Variants in EZH2 observed in about 807,000 individuals in gnomAD.
EZH2 encodes the protein enhancer of zeste 2 polycomb repressive complex 2 subunit.
EZH2 carries 18 observed loss-of-function variants against 98.4 expected under a neutral mutation model. The ratio of observed to expected loss-of-function variants is 0.18; its 90% CI spans 0.13 to 0.27. The LOEUF is 0.27. EZH2 is among the 10% of genes least tolerant of loss of function. EZH2 has a pLI of 1.00. For missense variants in EZH2, 470 were observed against 935.1 expected (o/e 0.50, Z 6.49); for synonymous variants, 338 against 312.3 (o/e 1.08, Z -0.87).
intron 3 of EZH2, among the ~76,000 whole-genome samples, chr7:148,835,046 A>G (rs1585066565): frequency 6.6e-6 from 1 of 152,360 alleles, no homozygotes; most frequent in East Asian, 1.9e-4. Flanking sequence ...GAGCTTAATT[A>G]ATTACTGCAC....
intron 1 of EZH2, among the ~76,000 whole-genome samples, chr7:148,858,088 C>T (rs921563807): frequency 6.6e-6 from 1 of 151,658 alleles, no homozygotes; most frequent in Non-Finnish European, 1.5e-5. Context: ...GTCAGGAGAT[C>T]GAGACCATTC....
chr7:148,883,787 A>G (rs1821384446), intron 1 of EZH2, among the ~76,000 whole-genome samples: 1 of 151,144 alleles, frequency 6.6e-6, no homozygotes, highest in South Asian at 2.1e-4. Flanking sequence ...CGCGCCACAC[A>G]AAGGAGACTT....
At chr7:148,851,381 C>T (rs1213651641) in intron 1 of EZH2, among the ~76,000 whole-genome samples, 1 of 152,022 alleles carries the variant, frequency 6.6e-6, no homozygotes, top group Non-Finnish European at 1.5e-5. Flanking sequence ...TAAAACCTAC[C>T]TCAAAGTCTG....
At chr7:148,874,851 C>T (rs1456344962) in intron 1 of EZH2, among the ~76,000 whole-genome samples, 1 of 150,270 alleles carries the variant, frequency 6.7e-6, no homozygotes, top group Non-Finnish European at 1.5e-5. Context: ...GAGCCGAGAT[C>T]GCGCCACCGC....
chr7:148,857,529 A>C (rs1482130143), intron 1 of EZH2, among the ~76,000 whole-genome samples: 4 of 152,158 alleles, frequency 2.6e-5, no homozygotes, highest in African/African-American at 9.7e-5. Flanking sequence ...AGGCAGGCGG[A>C]TCACGTAAGT....
chr7:148,819,865 C>G (rs892667020), intron 8 of EZH2, among the ~76,000 whole-genome samples, 178 bp from the exon 9 acceptor site: 4 of 152,154 alleles, frequency 2.6e-5, no homozygotes, highest in Non-Finnish European at 5.9e-5. Flanking sequence ...ATTCTCCATT[C>G]CTCCTCCTCC....
At chr7:148,819,156 AT>A in intron 9 of EZH2, 13 of 416,674 alleles carry the variant, frequency 3.1e-5, no homozygotes, top group Non-Finnish European at 4.7e-5. Context: ...GTTCTCCATC[AT>A]TTAAAAAAAA....
intron 1 of EZH2, among the ~76,000 whole-genome samples, chr7:148,882,866 G>A (rs1173548639): frequency 6.6e-6 from 1 of 152,150 alleles, no homozygotes; most frequent in African/African-American, 2.4e-5. Context: ...GTTTAACTGT[G>A]GACAGCACAC....
chr7:148,808,387 A>T (rs1233857343), intron 19 of EZH2, among the ~76,000 whole-genome samples: 4 of 152,256 alleles, frequency 2.6e-5, no homozygotes, highest in Non-Finnish European at 4.4e-5. Flanking sequence ...CAGTACTCAA[A>T]GACAGCTTCT....
rs2129485393 is a variant in EZH2 at position 148,847,265 on chromosome 7, G to A, written c.34C>T (p.Pro12Ser). 6.2e-7 allele frequency: 1 copy of A among 1,613,814 alleles called. No individual in the cohort carries two copies. The highest frequency in any genetic ancestry group is 2.2e-5 in the East Asian group (1 of 44,868). The change falls in exon 2 of 20, where the codon CCA (proline) becomes TCA (serine). Residue 12 changes from proline (P) to serine (S), a missense_variant. Around this residue, in one of 6 missense-constraint regions of EZH2, gnomAD observed 79 missense variants for 122.1 expected, o/e 0.65. Coordinates refer to ENST00000320356, the MANE Select transcript of EZH2 (RefSeq NM_004456.5). ...TTTACACGCTTCCGCCAACAAACTGGTCCCTTCTCAGATTTCTTCCCAGTC... is the reference window on the plus strand; with the variant it reads ...TTTACACGCTTCCGCCAACAAACTGATCCCTTCTCAGATTTCTTCCCAGTC... ...GQTGKKSEKG[P>S]VCWRKRVKSE...
chr7:148,827,543 T>G lies in EZH2; in HGVS notation c.626-277A>C, dbSNP rs78667365. Among the ~76,000 whole-genome samples, 3,301 of 152,298 alleles carry G rather than the reference T, an allele frequency of 0.022. 113 individuals carry two copies. Among genetic ancestry groups the G allele is most frequent in the African/African-American group, 0.075 (3,132 of 41,546 alleles). On this transcript the variant is annotated intron_variant, in intron 6 of 19. Coordinates refer to ENST00000320356, the MANE Select transcript of EZH2 (RefSeq NM_004456.5). ...TCTGCTACTAACTGATTTTGTGACT[T>G]AGAGTGATCACTTTACCTCTTGGGT...
chr7:148,849,604 TTAA>T lies in EZH2; in HGVS notation c.-7-2302_-7-2300del, dbSNP rs1815149435. Among the ~76,000 whole-genome samples, 5 of 152,292 alleles carry T rather than the reference TTAA, an allele frequency of 3.3e-5. No individual in the cohort carries two copies. In the South Asian group the frequency reaches 8.3e-4, roughly 25 times the overall value. ...GGAATAAAGCTGACAGTCACTCGGA[TTAA>T]GCAGGCTAAACTCAAGATGACCCCA... is the stretch of plus-strand genomic sequence containing the variant. On this transcript the variant is annotated intron_variant, in intron 1 of 19. Transcript: ENST00000320356.
chr7:148,843,890 C>T (rs1208606758), intron 3 of EZH2, among the ~76,000 whole-genome samples: 4 of 151,788 alleles, frequency 2.6e-5, no homozygotes, highest in Admixed American at 1.3e-4. Flanking sequence ...CCACCGCGCC[C>T]GGCCAAATGG....
chr7:148,873,453 C>T (rs1381612878), intron 1 of EZH2, among the ~76,000 whole-genome samples: 3 of 139,638 alleles, frequency 2.1e-5, no homozygotes, highest in African/African-American at 8.3e-5. Context: ...GATCCTGCCA[C>T]TGCACGCCAG....
intron 14 of EZH2, 94 bp downstream of exon 14, chr7:148,814,820 G>C (rs1804123491): frequency 1.4e-6 from 2 of 1,427,836 alleles, no homozygotes; most frequent in Non-Finnish European, 1.9e-6. Flanking sequence ...GTAAACAAGG[G>C]AGTGCTCCCA....
At chr7:148,811,050 G>C (rs1309817940) in intron 16 of EZH2, among the ~76,000 whole-genome samples, 2 of 152,186 alleles carry the variant, frequency 1.3e-5, no homozygotes, top group East Asian at 3.8e-4. Context: ...TGTGGATTAA[G>C]CAGGCCACTC....
intron 1 of EZH2, among the ~76,000 whole-genome samples, chr7:148,855,354 C>T (rs1816641188): frequency 6.6e-6 from 1 of 152,158 alleles, no homozygotes; most frequent in Admixed American, 6.6e-5. Context: ...ATTCTAAGTC[C>T]TATACACAGC....
At chr7:148,876,646 G>A (rs1012744700) in intron 1 of EZH2, among the ~76,000 whole-genome samples, 1 of 152,166 alleles carries the variant, frequency 6.6e-6, no homozygotes, top group Non-Finnish European at 1.5e-5. Flanking sequence ...AGATTGGTTT[G>A]CTGCGTAATG....
At chr7:148,813,812 GA>G in intron 15 of EZH2, 146 bp downstream of exon 15, 1 of 834,656 alleles carries the variant, frequency 1.2e-6, no homozygotes, top group Non-Finnish European at 1.8e-6. Flanking sequence ...ATTACCCAGA[GA>G]AAATTATGAA....
Sources: allele counts gnomAD v4.1 joint callset (sites outside exome capture counted in the v4.1 genomes callset), GRCh38; gene constraint gnomAD v4.1.1; regional missense constraint gnomAD v4.1.1; transcripts MANE v1.5; gene names NCBI Gene and HGNC (gene_info 2026-07-23, HGNC 2026-07-21).